The following USP20 variants were observed in gnomAD, a reference collection of about 807,000 sequenced individuals.
USP20 encodes the protein ubiquitin specific peptidase 20.
Under a neutral mutation model 124.2 loss-of-function variants are expected in USP20, and 80 were observed. The observed-to-expected ratio is 0.64, with a 90% CI of 0.54 to 0.78. The LOEUF is 0.78. Among genes scored for constraint, USP20 ranks in the 30% least tolerant of loss-of-function variants. The pLI is 0.00. For missense variants in USP20, 1,043 were observed against 1,244.4 expected (o/e 0.84, Z 2.44); for synonymous variants, 481 against 512.3 (o/e 0.94, Z 0.83).
intron 10 of USP20, among the ~76,000 whole-genome samples, chr9:129,866,946 C>A (rs944772488): frequency 6.6e-6 from 1 of 152,188 alleles, no homozygotes; most frequent in African/African-American, 2.4e-5. Context: ...TGGAGCCTGA[C>A]ACTTTGCCTT....
At position 129,872,195 on chromosome 9, in the gene USP20, C is replaced by A. The variant is rs138661096; in HGVS notation, c.1661-1287C>A. Among the ~76,000 whole-genome samples, 130 of 152,076 alleles carry A rather than the reference C, an allele frequency of 8.5e-4. 1 individual carries two copies. The East Asian group carries it at 0.022, about 26-fold the overall frequency. On this transcript the variant is annotated intron_variant, in intron 15 of 25. Transcript: ENST00000372429. ...TGAGACAGAGTCTCACTCTGTCACC[C>A]AGGCTGGAGTGCAATGGCATGATCT...
chr9:129,836,216 T>G (rs537872977), intron 1 of USP20, among the ~76,000 whole-genome samples: 4 of 152,328 alleles, frequency 2.6e-5, no homozygotes, highest in African/African-American at 9.6e-5. Flanking sequence ...CTAGGACTTT[T>G]AAGAACCCCT....
chr9:129,852,858 A>G (rs2131051540), intron 3 of USP20, among the ~76,000 whole-genome samples: 1 of 152,216 alleles, frequency 6.6e-6, no homozygotes, highest in South Asian at 2.1e-4. Flanking sequence ...GGGAACCACT[A>G]ATGCTCTCTG....
chr9:129,878,573 T>A, intron 23 of USP20, 133 bp downstream of exon 23: 1 of 757,252 alleles, frequency 1.3e-6, no homozygotes, highest in Non-Finnish European at 2.1e-6. Flanking sequence ...CCATCCAGGG[T>A]GAACAGAGAG....
chr9:129,878,502 G>A (rs577738157), intron 23 of USP20, 62 bp downstream of exon 23: 136 of 1,418,328 alleles, frequency 9.6e-5, no homozygotes, highest in Admixed American at 3.6e-4. Context: ...ATGGGATGCT[G>A]GCAGGGGAGG....
Position 129,879,785 on chromosome 9 carries a change from C to A in USP20, c.2584+141C>A. The A allele has an allele frequency of 1.0e-6, 1 of 981,926 alleles. No homozygotes were observed. The highest frequency in any genetic ancestry group is 1.5e-6 in the Non-Finnish European group (1 of 656,516). 60.8% of individuals were successfully genotyped at this position (981,926 alleles called of 1,614,324 possible). On this transcript the variant is annotated intron_variant, in intron 24 of 25. Coordinates refer to ENST00000372429, the MANE Select transcript of USP20 (RefSeq NM_001110303.4). This position sits in a 1 kb window ranked among gnomAD's most constrained non-coding sequence, Gnocchi z 4.2. ...ACGTCCACCTGAGTCCAGACCCAGG[C>A]GGCTGAGAGATGGCCCAAGGGGCTT...
At chr9:129,843,436 G>A (rs529930809) in intron 1 of USP20, among the ~76,000 whole-genome samples, 1 of 149,938 alleles carries the variant, frequency 6.7e-6, no homozygotes, top group South Asian at 2.1e-4. Flanking sequence ...TCTCAACCAC[G>A]ACAACAACAA....
At chr9:129,844,163 A>G (rs911829178) in intron 1 of USP20, among the ~76,000 whole-genome samples, 2 of 152,198 alleles carry the variant, frequency 1.3e-5, no homozygotes, top group African/African-American at 4.8e-5. Context: ...ACCACGTCCT[A>G]TGATGGATAA....
At chr9:129,846,956 G>C (rs1250660791) in intron 1 of USP20, among the ~76,000 whole-genome samples, 1 of 152,090 alleles carries the variant, frequency 6.6e-6, no homozygotes, top group East Asian at 1.9e-4. Context: ...GGTGTCTTTA[G>C]GGTTCATGTT....
At chr9:129,878,210 T>G in intron 22 of USP20, 128 bp from the exon 23 acceptor site, 1 of 730,340 alleles carries the variant, frequency 1.4e-6, no homozygotes, top group Non-Finnish European at 2.4e-6. Context: ...TTTTTCACCT[T>G]GAGTATCTGG....
chr9:129,847,299 CTTT>C (rs35098457), intron 1 of USP20, among the ~76,000 whole-genome samples: 15,855 of 130,480 alleles, frequency 0.12, 1,189 homozygotes, highest in African/African-American at 0.22. Flanking sequence ...ACAGCCAACA[CTTT>C]TTTTTTTTTT....
intron 8 of USP20, among the ~76,000 whole-genome samples, chr9:129,862,483 G>C (rs1207243203): frequency 1.3e-5 from 2 of 151,814 alleles, no homozygotes; most frequent in African/African-American, 4.8e-5. Flanking sequence ...AACCCGGGAG[G>C]CGGAGGTTGC....
At chr9:129,865,154 C>G (rs1456768103) in intron 9 of USP20, 149 bp from the exon 10 acceptor site, 5 of 712,048 alleles carry the variant, frequency 7.0e-6, no homozygotes, top group Non-Finnish European at 1.2e-5. Flanking sequence ...ATGTGTGAGC[C>G]TCTTGGGGCT....
intron 1 of USP20, among the ~76,000 whole-genome samples, chr9:129,836,930 A>G (rs924034601): frequency 2.2e-4 from 34 of 152,102 alleles, no homozygotes; most frequent in Non-Finnish European, 5.9e-5. Context: ...GAATCTGCCC[A>G]TCAAGCAGCC....
rs1238175548 is a variant in USP20 at position 129,879,364 on chromosome 9, G to A, written c.2513-209G>A. ...CCGCAGCTCCTGCGGCCAGCACAGAGTCTGAGACCATCTCGTGTGTCCTGG... is the reference window on the plus strand; with the variant it reads ...CCGCAGCTCCTGCGGCCAGCACAGAATCTGAGACCATCTCGTGTGTCCTGG... On this transcript the variant is annotated intron_variant, in intron 23 of 25. Transcript: ENST00000372429. The surrounding 1 kb of genome is among the most constrained non-coding windows in gnomAD (Gnocchi z 4.2). The A allele has an allele frequency of 5.1e-6, 3 of 587,414 alleles. No homozygotes were observed. Among genetic ancestry groups the A allele is most frequent in the Non-Finnish European group, 9.1e-6 (3 of 329,156 alleles). 36.4% of individuals were successfully genotyped at this position (587,414 alleles called of 1,614,324 possible).
In USP20 at chr9:129,858,603, C is replaced by T. The variant is rs2033346834; in HGVS notation, c.330+5C>T. ...TCTTCCAAGTTCTCTGAACAGGTAA[C>T]CTGTGTGGTGGGCTCTGTTTGGTTG... is the stretch of plus-strand genomic sequence containing the variant. On this transcript the variant is annotated splice_donor_5th_base_variant and intron_variant, in intron 6 of 25. Coordinates refer to ENST00000372429, the MANE Select transcript of USP20 (RefSeq NM_001110303.4). 2 of 1,613,002 alleles carry T rather than the reference C, an allele frequency of 1.2e-6. No individual in the cohort carries two copies.
chr9:129,868,076 G>A lies in USP20; in HGVS notation c.762G>A (p.Thr254=), dbSNP rs375458971. ...AGCTCAAGGAGCCGGTGGTGGCCAC[G>A]GTGGCGCTGACGGAGGCTCGGGACT... The part of the protein sequence containing the change: ...HEELKEPVVA[T]VALTEARDSD... Residue 254 remains threonine (T), a synonymous_variant, in exon 11 of 26, where the codon ACG becomes ACA. Coordinates refer to ENST00000372429, the MANE Select transcript of USP20 (RefSeq NM_001110303.4). 26 of 1,613,984 alleles carry A rather than the reference G, an allele frequency of 1.6e-5. No individual in the cohort carries two copies. Among genetic ancestry groups the A allele is most frequent in the Admixed American group, 8.3e-5 (5 of 60,004 alleles).
chr9:129,871,101 G>A (rs927540904), intron 15 of USP20, among the ~76,000 whole-genome samples: 2 of 152,052 alleles, frequency 1.3e-5, no homozygotes, highest in Non-Finnish European at 2.9e-5. Flanking sequence ...ACATGGTCAC[G>A]CAGCCATCCT....
chr9:129,873,431 C>T (rs116931472), intron 15 of USP20, 51 bp from the exon 16 acceptor site: 27,231 of 1,597,604 alleles, frequency 0.017, 300 homozygotes, highest in East Asian at 0.024. Flanking sequence ...TTTTTTTGCT[C>T]CCTCATTTTG....
Sources: allele counts gnomAD v4.1 joint callset (sites outside exome capture counted in the v4.1 genomes callset), GRCh38; gene constraint gnomAD v4.1.1; non-coding constraint Gnocchi (gnomAD v3.1); transcripts MANE v1.5; gene names NCBI Gene and HGNC (gene_info 2026-07-23, HGNC 2026-07-21).